Variants in COG5 observed in about 807,000 individuals in gnomAD.
COG5 encodes conserved oligomeric Golgi complex subunit 5.
Under a neutral mutation model 110.4 loss-of-function variants are expected in COG5, and 86 were observed. The observed-to-expected ratio is 0.78, with a 90% CI of 0.65 to 0.93. The LOEUF (loss-of-function observed/expected upper bound fraction) is 0.93. Ranked by LOEUF, COG5 falls within the 40% of genes least tolerant of loss-of-function variation. The pLI, the probability that COG5 is intolerant of heterozygous loss-of-function variation, is 0.00. For missense variants in COG5, 1,077 were observed against 987.0 expected (o/e 1.09, Z -1.22); for synonymous variants, 360 against 334.6 (o/e 1.08, Z -0.83).
chr7:107,556,761 C>T (rs1332825441), intron 2 of COG5, among the ~76,000 whole-genome samples: 3 of 151,718 alleles, frequency 2.0e-5, no homozygotes, highest in Non-Finnish European at 4.4e-5. Context: ...GACAATTAAG[C>T]GTGTTTTCTT....
intron 11 of COG5, among the ~76,000 whole-genome samples, chr7:107,302,963 T>G (rs1807399527): frequency 6.6e-6 from 1 of 152,238 alleles, no homozygotes; most frequent in Admixed American, 6.5e-5. Flanking sequence ...AGTATGTTTC[T>G]CCTACTTGGC....
At chr7:107,489,152 A>G (rs987757701) in intron 6 of COG5, among the ~76,000 whole-genome samples, 1 of 152,206 alleles carries the variant, frequency 6.6e-6, no homozygotes. Flanking sequence ...CTAAAATGTT[A>G]AAACTGCAGG....
intron 10 of COG5, among the ~76,000 whole-genome samples, chr7:107,345,471 T>G (rs796433822): frequency 3.3e-5 from 5 of 152,316 alleles, no homozygotes; most frequent in African/African-American, 9.6e-5. Flanking sequence ...AAACAAGGTA[T>G]GCCTATACTG....
At chr7:107,332,894 G>C (rs1470456640) in intron 10 of COG5, among the ~76,000 whole-genome samples, 8 of 152,196 alleles carry the variant, frequency 5.3e-5, no homozygotes, top group Non-Finnish European at 7.3e-5. Flanking sequence ...AAGACGGGAT[G>C]ATGTGGAATC....
intron 10 of COG5, among the ~76,000 whole-genome samples, chr7:107,342,114 C>T (rs1032080599): frequency 6.6e-6 from 1 of 152,042 alleles, no homozygotes; most frequent in Non-Finnish European, 1.5e-5. Flanking sequence ...GAAATATTCA[C>T]AAACTATGCA....
At chr7:107,230,424 T>C (rs1488684000) in intron 19 of COG5, among the ~76,000 whole-genome samples, 191 bp downstream of exon 19, 1 of 152,234 alleles carries the variant, frequency 6.6e-6, no homozygotes, top group Non-Finnish European at 1.5e-5. Flanking sequence ...ACATACCCTC[T>C]AATTTATTAG....
intron 19 of COG5, among the ~76,000 whole-genome samples, chr7:107,221,662 G>T (rs1395946280): frequency 6.6e-6 from 1 of 151,890 alleles, no homozygotes; most frequent in African/African-American, 2.4e-5. Flanking sequence ...CCACTCGGGA[G>T]GCTGAGGCAG....
At chr7:107,275,050 C>G (rs1804588904) in intron 14 of COG5, among the ~76,000 whole-genome samples, 1 of 152,114 alleles carries the variant, frequency 6.6e-6, no homozygotes, top group African/African-American at 2.4e-5. Context: ...GTCTCGAACT[C>G]TCAAAGTGCT....
intron 6 of COG5, among the ~76,000 whole-genome samples, chr7:107,488,962 T>C (rs1364036695): frequency 6.6e-6 from 1 of 152,198 alleles, no homozygotes; most frequent in Non-Finnish European, 1.5e-5. Flanking sequence ...AAACCTGTCA[T>C]TTTCCATTTT....
At chr7:107,419,950 T>C (rs997432257) in intron 6 of COG5, among the ~76,000 whole-genome samples, 13 of 152,036 alleles carry the variant, frequency 8.6e-5, no homozygotes, top group African/African-American at 3.1e-4. Flanking sequence ...TAAGTCTATA[T>C]TTGAAAACCT....
chr7:107,241,354 T>G (rs1031244654), intron 17 of COG5, among the ~76,000 whole-genome samples: 4 of 148,154 alleles, frequency 2.7e-5, no homozygotes, highest in East Asian at 1.9e-4. Flanking sequence ...CCAAATATAG[T>G]TTTTTTTTCG....
intron 7 of COG5, among the ~76,000 whole-genome samples, chr7:107,376,627 C>A (rs1303522747): frequency 2.0e-5 from 3 of 151,808 alleles, no homozygotes; most frequent in African/African-American, 7.3e-5. Flanking sequence ...TTTTATTTCT[C>A]CCTTCCCATT....
At chr7:107,254,961 CAAAATAAGGATAAGTATTACTTTGTG>C (rs1802773339) in intron 16 of COG5, among the ~76,000 whole-genome samples, 1 of 152,142 alleles carries the variant, frequency 6.6e-6, no homozygotes, top group South Asian at 2.1e-4. Flanking sequence ...AATGCGTACA[CAAAATAAGGATAAGTATTACTTTGTG>C]AAACTTCTGT....
intron 6 of COG5, among the ~76,000 whole-genome samples, chr7:107,452,171 T>C (rs1283806827): frequency 6.6e-6 from 1 of 152,168 alleles, no homozygotes; most frequent in Admixed American, 6.5e-5. Context: ...CATGAACTCT[T>C]GCCTGGCATA....
At chr7:107,230,803 A>T in intron 18 of COG5, 112 bp from the exon 19 acceptor site, 1 of 814,430 alleles carries the variant, frequency 1.2e-6, no homozygotes, top group Non-Finnish European at 2.1e-6. Context: ...TTTTATCTGG[A>T]CTGTAAGGCA....
intron 18 of COG5, among the ~76,000 whole-genome samples, chr7:107,234,270 G>A (rs188622717): frequency 1.3e-3 from 202 of 152,318 alleles, no homozygotes; most frequent in Non-Finnish European, 2.4e-3. Flanking sequence ...CAGGAAACAA[G>A]AGGCCTTTGA....
At chr7:107,294,776 C>T (rs536023230) in intron 12 of COG5, among the ~76,000 whole-genome samples, 8 of 135,454 alleles carry the variant, frequency 5.9e-5, no homozygotes, top group South Asian at 2.4e-4. Flanking sequence ...AGTGCAGTGG[C>T]GCGATCTCAG....
At chr7:107,205,603 G>GT (rs1017567048) in intron 21 of COG5, among the ~76,000 whole-genome samples, 1 of 152,178 alleles carries the variant, frequency 6.6e-6, no homozygotes, top group Admixed American at 6.5e-5. Context: ...CATACTGAAT[G>GT]TTTCAGTTAA....
chr7:107,482,633 T>C (rs1443507343), intron 6 of COG5, among the ~76,000 whole-genome samples: 1 of 152,158 alleles, frequency 6.6e-6, no homozygotes, highest in African/African-American at 2.4e-5. Flanking sequence ...TACTTCATTT[T>C]AACTGATTAA....
Sources: gnomAD v4.1 joint callset for allele counts (sites outside exome capture counted in the v4.1 genomes callset) on GRCh38, gnomAD v4.1.1 for gene constraint, MANE v1.5 for transcripts, NCBI Gene and HGNC (gene_info 2026-07-23, HGNC 2026-07-21) for gene names.